The following MED23 variants were observed in gnomAD, a reference collection of about 807,000 sequenced individuals.
The protein encoded by MED23 is mediator of RNA polymerase II transcription subunit 23.
In MED23, 105 loss-of-function variants were observed where a neutral mutation model predicts 163.9. The observed-to-expected ratio is 0.64, with a 90% CI of 0.55 to 0.75. The LOEUF (loss-of-function observed/expected upper bound fraction) is 0.75. Ranked by LOEUF, MED23 falls within the 30% of genes least tolerant of loss-of-function variation. The pLI, the probability that MED23 is intolerant of heterozygous loss-of-function variation, is 0.00. For synonymous variants in MED23, 561 were observed against 565.6 expected (o/e 0.99, Z 0.12); for missense variants, 1,054 against 1,649.0 (o/e 0.64, Z 6.25).
intron 30 of MED23, chr6:131,579,040 T>TA (rs749556084): frequency 6.5e-7 from 1 of 1,537,522 alleles, no homozygotes; most frequent in South Asian, 1.2e-5. Flanking sequence ...TTTATACAAT[T>TA]GAGATCATCC....
rs1350509760 is a variant in MED23 at position 131,591,320 on chromosome 6, T to C, written c.3679A>G (p.Ile1227Val). 1 of 1,608,994 alleles carries C rather than the reference T, an allele frequency of 6.2e-7. No individual in the cohort carries two copies. Among genetic ancestry groups the C allele is most frequent in the Admixed American group, 1.7e-5 (1 of 60,014 alleles). Residue 1227 changes from isoleucine to valine, a missense_variant, in exon 26 of 29, where the codon ATT becomes GTT. Physicochemically the swap from Ile to Val is conservative, Grantham distance 29. This residue lies in a region of MED23 where 362 missense variants were observed against 471.6 expected (regional missense o/e 0.77). Transcript: ENST00000368068. ...AGAAATTATTATACTTACTTTGGAA[T>C]GAGAGAAAGTTGTCCGATGCTAGAA... ...HHSSIGQLSL[I>V]PKFLTEVLLP...
Position 131,602,277 on chromosome 6 carries a change from T to C in MED23, c.2036A>G (p.Glu679Gly). 6.2e-7 allele frequency: 1 copy of C among 1,613,994 alleles called. No homozygotes were observed. Among genetic ancestry groups the C allele is most frequent in the Non-Finnish European group, 8.5e-7 (1 of 1,179,870 alleles). ...LSDPKTVLSAESEELNRALIL... is the reference protein window; with the variant it reads ...LSDPKTVLSAGSEELNRALIL... The stretch of plus-strand genomic sequence containing the variant: ...CAAGGCTCGGTTCAGTTCTTCAGAT[T>C]CTGCTGAGAGCACTGTTTTGGGATC... The change falls in exon 17 of 29, where the codon GAA (glutamate) becomes GGA (glycine). Residue 679 changes from glutamate to glycine, a missense_variant. Coordinates refer to ENST00000368068, the MANE Select transcript of MED23 (RefSeq NM_004830.4).
chr6:131,627,507 T>C (rs1162811493), intron 2 of MED23, 24 bp from the exon 3 acceptor site: 2 of 1,605,118 alleles, frequency 1.2e-6, no homozygotes, highest in East Asian at 4.5e-5. Context: ...AATTACATTA[T>C]TTGTCATTCG....
At chr6:131,580,393 T>C (rs1429099297) in intron 30 of MED23, among the ~76,000 whole-genome samples, 5 of 152,222 alleles carry the variant, frequency 3.3e-5, no homozygotes, top group Non-Finnish European at 4.4e-5. Context: ...GCATTATTGC[T>C]TCCACTTCGA....
chr6:131,627,158 T>G, intron 3 of MED23: 1 of 435,992 alleles, frequency 2.3e-6, no homozygotes, highest in Non-Finnish European at 4.0e-6. Context: ...TAGGGGAGGT[T>G]TTTTTTTTTA....
chr6:131,581,144 A>G (rs1773899225), intron 30 of MED23: 1 of 1,456,652 alleles, frequency 6.9e-7, no homozygotes, highest in African/African-American at 1.4e-5. Flanking sequence ...ACCAAGTGGG[A>G]GCATTGAGTG....
At position 131,593,234 on chromosome 6, in the gene MED23, T is replaced by A. The variant is rs114029679; in HGVS notation, c.3233-63A>T. On this transcript the variant is annotated intron_variant, in intron 23 of 28. Coordinates refer to ENST00000368068, the MANE Select transcript of MED23 (RefSeq NM_004830.4). Reference sequence around the variant, plus strand: ...ATCTGATTGTCAATTTATCTGATTATGAGCTGCCAAGAAGTGATTTGTCTA... The same window carrying A: ...ATCTGATTGTCAATTTATCTGATTAAGAGCTGCCAAGAAGTGATTTGTCTA... 307 of 1,595,114 alleles carry A rather than the reference T, an allele frequency of 1.9e-4. No individual in the cohort carries two copies. In the African/African-American group the frequency reaches 3.1e-3, roughly 16 times the overall value.
rs1777376102 is a variant in MED23, at chr6:131,624,955, T to C, written c.194A>G (p.Lys65Arg). Residue 65 changes from lysine (K) to arginine (R), a missense_variant, in exon 4 of 29, where the codon AAG (lysine) becomes AGG (arginine). Around this residue, in one of 11 missense-constraint regions of MED23, gnomAD observed 227 missense variants for 235.5 expected, o/e 0.96. Transcript: ENST00000368068. ...AGGACTATGCTGACCATGAATAAAC[T>C]TAACAATCCACTGGATACACTGTTC... is the stretch of plus-strand genomic sequence containing the variant. ...SHEQCIQWIVKFIHGQHSPKR... is the reference protein window; with the variant it reads ...SHEQCIQWIVRFIHGQHSPKR... 7 of 1,613,742 alleles carry C rather than the reference T, an allele frequency of 4.3e-6. No individual in the cohort carries two copies. The highest frequency in any genetic ancestry group is 3.3e-4 in the Middle Eastern group (2 of 6,062).
intron 17 of MED23, among the ~76,000 whole-genome samples, chr6:131,601,136 T>C (rs898123950): frequency 2.0e-5 from 3 of 152,152 alleles, no homozygotes; most frequent in African/African-American, 7.2e-5. Flanking sequence ...TCTTGAAAAT[T>C]AACAAAATGA....
intron 30 of MED23, among the ~76,000 whole-genome samples, chr6:131,577,979 A>G (rs916768337): frequency 4.6e-5 from 7 of 151,980 alleles, no homozygotes; most frequent in African/African-American, 1.7e-4. Flanking sequence ...AAGCAGCATG[A>G]TAAGACAAGA....
At chr6:131,579,376 A>G in intron 30 of MED23, 1 of 1,434,214 alleles carries the variant, frequency 7.0e-7, no homozygotes, top group South Asian at 1.3e-5. Context: ...TATAGACAGA[A>G]AAGCATTGAC....
At chr6:131,600,995 T>C (rs1437734231) in intron 17 of MED23, among the ~76,000 whole-genome samples, 2 of 151,974 alleles carry the variant, frequency 1.3e-5, no homozygotes, top group African/African-American at 4.8e-5. Context: ...GAAAAACACT[T>C]GTGCACTTGT....
chr6:131,585,240 A>G (rs1774136205), downstream of MED23, among the ~76,000 whole-genome samples: 1 of 152,150 alleles, frequency 6.6e-6, no homozygotes, highest in Non-Finnish European at 1.5e-5. Flanking sequence ...ACCAGAGTAA[A>G]CGGTAATCAA....
chr6:131,612,283 C>CAAAA (rs200234922), intron 10 of MED23, among the ~76,000 whole-genome samples: 2 of 124,114 alleles, frequency 1.6e-5, no homozygotes, highest in African/African-American at 5.9e-5. Flanking sequence ...TTGGTAACAT[C>CAAAA]AAAAAAAAAA....
downstream of MED23, chr6:131,582,844 T>C (rs1774005572): frequency 1.2e-6 from 1 of 829,054 alleles, no homozygotes; most frequent in African/African-American, 1.7e-5. Context: ...CCCACACACA[T>C]ATATTTATAT....
intron 5 of MED23, among the ~76,000 whole-genome samples, chr6:131,622,795 C>T (rs1777202179): frequency 6.6e-6 from 1 of 152,160 alleles, no homozygotes; most frequent in Non-Finnish European, 1.5e-5. Context: ...AGCACAGGGT[C>T]AGACACTGGT....
At chr6:131,626,159 T>C (rs1400798962) in intron 3 of MED23, among the ~76,000 whole-genome samples, 1 of 149,928 alleles carries the variant, frequency 6.7e-6, no homozygotes, top group Admixed American at 6.6e-5. Flanking sequence ...AAAGATAATC[T>C]CAAACACTGC....
downstream of MED23, among the ~76,000 whole-genome samples, chr6:131,584,848 C>CAT (rs1284814181): frequency 2.4e-4 from 37 of 151,098 alleles, no homozygotes; most frequent in Non-Finnish European, 3.7e-4. Flanking sequence ...CACACACACA[C>CAT]ACTAGCTGGG....
chr6:131,627,684 AAAAAAAC>A lies in MED23; in HGVS notation c.40-19_40-13del. 1 of 1,602,686 alleles carries A rather than the reference AAAAAAAC, an allele frequency of 6.2e-7. No individual in the cohort carries two copies. Among genetic ancestry groups the A allele is most frequent in the Non-Finnish European group, 8.5e-7 (1 of 1,175,968 alleles). On this transcript the variant is annotated splice_polypyrimidine_tract_variant and intron_variant, in intron 1 of 28. Transcript: ENST00000368068. ...ATAACTTCCGTTTTCTGTAAAAAAA[AAAAAAAC>A]AAAATGTAAACAATGTTAATTTTAA...
Sources: allele counts gnomAD v4.1 joint callset (sites outside exome capture counted in the v4.1 genomes callset), GRCh38; gene constraint gnomAD v4.1.1; regional missense constraint gnomAD v4.1.1; transcripts MANE v1.5; gene names NCBI Gene and HGNC (gene_info 2026-07-23, HGNC 2026-07-21).